Variants in SLC24A3 observed in about 807,000 individuals in gnomAD.
SLC24A3 encodes the protein sodium/potassium/calcium exchanger 3.
Under a neutral mutation model 75.8 loss-of-function variants are expected in SLC24A3, and 28 were observed. The ratio of observed to expected loss-of-function variants is 0.37; its 90% CI spans 0.27 to 0.51. The LOEUF is 0.51. Among genes scored for constraint, SLC24A3 ranks in the 20% least tolerant of loss-of-function variants. SLC24A3 has a pLI of 0.94. For synonymous variants in SLC24A3, 372 were observed against 334.1 expected (o/e 1.11, Z -1.24); for missense variants, 663 against 847.8 (o/e 0.78, Z 2.71).
At chr20:19,226,313 A>AGGGCTT (rs1981868329) in intron 1 of SLC24A3, among the ~76,000 whole-genome samples, 1 of 152,088 alleles carries the variant, frequency 6.6e-6, no homozygotes, top group Non-Finnish European at 1.5e-5. Context: ...CCTGGATTTG[A>AGGGCTT]TTGATCATAT....
intron 1 of SLC24A3, among the ~76,000 whole-genome samples, chr20:19,273,048 G>A (rs1983378043): frequency 6.6e-6 from 1 of 152,092 alleles, no homozygotes; most frequent in Non-Finnish European, 1.5e-5. Context: ...AGCTTGCCTC[G>A]ATCTGCCCAA....
At chr20:19,485,441 A>T (rs1474647234) in intron 2 of SLC24A3, among the ~76,000 whole-genome samples, 1 of 152,166 alleles carries the variant, frequency 6.6e-6, no homozygotes. Flanking sequence ...AGGAGGCTGT[A>T]TTTATGCCTA....
chr20:19,241,791 C>G (rs1039591679), intron 1 of SLC24A3, among the ~76,000 whole-genome samples: 1 of 152,172 alleles, frequency 6.6e-6, no homozygotes, highest in Non-Finnish European at 1.5e-5. Context: ...ACACTCAGCT[C>G]TCATTGAGGG....
chr20:19,705,062 A>C (rs1373865121), intron 15 of SLC24A3, among the ~76,000 whole-genome samples: 1 of 152,216 alleles, frequency 6.6e-6, no homozygotes, highest in African/African-American at 2.4e-5. Flanking sequence ...GAGAAATTTC[A>C]GACCAGATCC....
At chr20:19,474,944 CTGTT>C (rs1987937751) in intron 2 of SLC24A3, among the ~76,000 whole-genome samples, 1 of 152,146 alleles carries the variant, frequency 6.6e-6, no homozygotes, top group Non-Finnish European at 1.5e-5. Flanking sequence ...TTTTGAAAAA[CTGTT>C]TGATGTGGAA....
At chr20:19,283,891 A>G (rs1258848273) in intron 2 of SLC24A3, among the ~76,000 whole-genome samples, 2 of 152,176 alleles carry the variant, frequency 1.3e-5, no homozygotes, top group South Asian at 2.1e-4. Context: ...ACAGTGCAAG[A>G]TTCCTAGAGC....
chr20:19,598,522 A>G (rs1222057158), intron 6 of SLC24A3, among the ~76,000 whole-genome samples: 5 of 152,090 alleles, frequency 3.3e-5, no homozygotes, highest in South Asian at 2.1e-4. Context: ...CCTATAGTGC[A>G]TATACCTGAG....
At chr20:19,475,279 C>T (rs1238184767) in intron 2 of SLC24A3, among the ~76,000 whole-genome samples, 1 of 151,546 alleles carries the variant, frequency 6.6e-6, no homozygotes, top group Non-Finnish European at 1.5e-5. Flanking sequence ...GTGGAGCTTG[C>T]AGTGAGCTGA....
chr20:19,666,550 C>T (rs2032402329), intron 8 of SLC24A3, among the ~76,000 whole-genome samples: 1 of 152,076 alleles, frequency 6.6e-6, no homozygotes, highest in African/African-American at 2.4e-5. Flanking sequence ...GCTCCATGTT[C>T]CCAATCCCAC....
chr20:19,473,110 C>A (rs569766939), intron 2 of SLC24A3, among the ~76,000 whole-genome samples: 1 of 152,170 alleles, frequency 6.6e-6, no homozygotes, highest in Non-Finnish European at 1.5e-5. Flanking sequence ...CCTTCCTGAA[C>A]CCCCAGAACC....
chr20:19,352,538 C>T (rs1290803677), intron 2 of SLC24A3, among the ~76,000 whole-genome samples: 1 of 152,180 alleles, frequency 6.6e-6, no homozygotes, highest in African/African-American at 2.4e-5. Context: ...TATTATTTTT[C>T]CTGATTTTCA....
chr20:19,475,886 T>C (rs1987954420), intron 2 of SLC24A3, among the ~76,000 whole-genome samples: 1 of 152,348 alleles, frequency 6.6e-6, no homozygotes, highest in East Asian at 1.9e-4. Context: ...TGGGTTTTAT[T>C]AAAACTACAG....
At chr20:19,488,634 A>G (rs1333693375) in intron 2 of SLC24A3, among the ~76,000 whole-genome samples, 1 of 152,234 alleles carries the variant, frequency 6.6e-6, no homozygotes, top group Non-Finnish European at 1.5e-5. Flanking sequence ...AACAGTGGGC[A>G]CAAGTACAGG....
At chr20:19,644,877 G>T (rs1365467550) in intron 6 of SLC24A3, among the ~76,000 whole-genome samples, 1 of 151,622 alleles carries the variant, frequency 6.6e-6, no homozygotes, top group Non-Finnish European at 1.5e-5. Context: ...GGGAGTGGGT[G>T]AGCATAAATG....
At chr20:19,235,793 A>G (rs999487121) in intron 1 of SLC24A3, among the ~76,000 whole-genome samples, 2 of 152,130 alleles carry the variant, frequency 1.3e-5, no homozygotes, top group Admixed American at 6.5e-5. Flanking sequence ...CAGTTTCTCC[A>G]TTACCTACAA....
intron 2 of SLC24A3, among the ~76,000 whole-genome samples, chr20:19,409,830 AAT>A (rs1426112469): frequency 5.5e-5 from 8 of 146,320 alleles, no homozygotes; most frequent in Non-Finnish European, 1.0e-4. Flanking sequence ...GAATATATAT[AAT>A]ATGTGTGTGT....
rs2122209497 is a variant in SLC24A3, at chr20:19,270,431, A to G, written c.143-10528A>G. On this transcript the variant is annotated intron_variant, in intron 1 of 16. Coordinates refer to ENST00000328041, the MANE Select transcript of SLC24A3 (RefSeq NM_020689.4). ...CAGAATACCACAGATTTAGCAGCTT[A>G]AAAAACAGCAGTTTATTCCTCACAG... 2.0e-5 allele frequency among the ~76,000 whole-genome samples: 3 copies of G among 152,312 alleles called. No homozygotes were observed. The South Asian group carries it at 6.2e-4, about 32-fold the overall frequency.
intron 2 of SLC24A3, among the ~76,000 whole-genome samples, chr20:19,323,919 C>CA (rs1413560109): frequency 1.3e-5 from 2 of 152,096 alleles, no homozygotes; most frequent in East Asian, 1.9e-4. Context: ...ATTAGCATTT[C>CA]AAAAAAGTCT....
At chr20:19,646,570 G>A (rs1486462073) in intron 6 of SLC24A3, among the ~76,000 whole-genome samples, 6 of 152,152 alleles carry the variant, frequency 3.9e-5, no homozygotes, top group African/African-American at 1.4e-4. Flanking sequence ...TTTGAATAGC[G>A]TTTTTATTGA....
Sources: allele counts gnomAD v4.1 joint callset (sites outside exome capture counted in the v4.1 genomes callset), GRCh38; gene constraint gnomAD v4.1.1; transcripts MANE v1.5; gene names NCBI Gene and HGNC (gene_info 2026-07-23, HGNC 2026-07-21).